The following DGKI variants were observed in gnomAD, a reference collection of about 807,000 sequenced individuals.
DGKI encodes the protein DAG kinase iota.
In DGKI, 55 loss-of-function variants were observed where a neutral mutation model predicts 147.5. The observed-to-expected ratio is 0.37, with a 90% CI of 0.30 to 0.47. The LOEUF is 0.47. Ranked by LOEUF, DGKI falls within the 20% of genes least tolerant of loss-of-function variation. DGKI has a pLI of 1.00. For missense variants in DGKI, 1,007 were observed against 1,323.8 expected (o/e 0.76, Z 3.71); for synonymous variants, 469 against 477.1 (o/e 0.98, Z 0.22).
intron 19 of DGKI, among the ~76,000 whole-genome samples, chr7:137,553,538 C>T (rs1359755708): frequency 6.8e-6 from 1 of 146,404 alleles, no homozygotes; most frequent in Non-Finnish European, 1.5e-5. Flanking sequence ...TTTGTATAAC[C>T]TCTTCTGACT....
intron 3 of DGKI, among the ~76,000 whole-genome samples, chr7:137,664,164 G>T (rs1198247442): frequency 1.3e-5 from 2 of 152,074 alleles, no homozygotes; most frequent in African/African-American, 4.8e-5. Flanking sequence ...ATTACATGAG[G>T]CTGGGAGTTC....
intron 1 of DGKI, among the ~76,000 whole-genome samples, chr7:137,840,294 G>T (rs747326424): frequency 3.3e-5 from 5 of 152,214 alleles, no homozygotes; most frequent in Non-Finnish European, 7.3e-5. Flanking sequence ...AAGTCAATCA[G>T]ATGAGCTGGA....
At chr7:137,569,141 G>C (rs1212782260) in intron 19 of DGKI, among the ~76,000 whole-genome samples, 1 of 152,106 alleles carries the variant, frequency 6.6e-6, no homozygotes, top group African/African-American at 2.4e-5. Context: ...GGGAAGGCTA[G>C]AGAACCAGAC....
intron 1 of DGKI, among the ~76,000 whole-genome samples, chr7:137,733,183 T>C (rs1169867355): frequency 5.3e-5 from 8 of 152,030 alleles, no homozygotes; most frequent in African/African-American, 1.9e-4. Context: ...CCACCAACCA[T>C]CTCCAGAACT....
intron 30 of DGKI, among the ~76,000 whole-genome samples, chr7:137,401,577 ATTTGAG>A (rs915463273): frequency 8.5e-5 from 13 of 152,102 alleles, no homozygotes; most frequent in African/African-American, 2.9e-4. Context: ...AATGGGTAAC[ATTTGAG>A]TTTGGGGCTT....
chr7:137,843,546 A>C lies in DGKI; in HGVS notation c.401+2916T>G, dbSNP rs182322206. 133 of 343,738 alleles carry C rather than the reference A, an allele frequency of 3.9e-4. 1 individual carries two copies. The highest frequency in any genetic ancestry group is 2.9e-3 in the African/African-American group (130 of 44,814). 21.3% of individuals were successfully genotyped at this position (343,738 alleles called of 1,614,324 possible). ...AATAGATAATGAGGGGAAATCTAGG[A>C]GTACAGAAAGCAGTTTATTTTACTT... On this transcript the variant is annotated intron_variant, in intron 1 of 32. Coordinates refer to ENST00000614521, the MANE Select transcript of DGKI (RefSeq NM_001321708.2).
intron 15 of DGKI, among the ~76,000 whole-genome samples, chr7:137,581,150 G>A (rs1292455665): frequency 6.6e-6 from 1 of 152,168 alleles, no homozygotes; most frequent in South Asian, 2.1e-4. Context: ...AAATGTTGAT[G>A]AAATATTTAA....
intron 26 of DGKI, among the ~76,000 whole-genome samples, chr7:137,464,181 C>T (rs6958453): frequency 0.026 from 3,747 of 145,754 alleles, 123 homozygotes; most frequent in East Asian, 0.12. Flanking sequence ...GGCATGAACC[C>T]GGGAGGCGGA....
intron 19 of DGKI, 146 bp from the exon 20 acceptor site, chr7:137,552,714 G>C (rs1289849788): frequency 1.3e-6 from 1 of 741,500 alleles, no homozygotes; most frequent in East Asian, 2.7e-5. Flanking sequence ...TTCCAGAGCA[G>C]CCTGGCCAAC....
intron 1 of DGKI, among the ~76,000 whole-genome samples, chr7:137,835,772 C>T (rs1325297659): frequency 6.6e-6 from 1 of 152,114 alleles, no homozygotes; most frequent in East Asian, 1.9e-4. Flanking sequence ...GAGATTAATT[C>T]AAGTAAGTAA....
At chr7:137,627,784 C>T (rs996630921) in intron 6 of DGKI, among the ~76,000 whole-genome samples, 5 of 152,184 alleles carry the variant, frequency 3.3e-5, no homozygotes, top group Admixed American at 3.3e-4. Context: ...TATCAGATGG[C>T]TGTGCATGAA....
chr7:137,624,659 C>A (rs1015215188), intron 6 of DGKI, among the ~76,000 whole-genome samples: 4 of 151,950 alleles, frequency 2.6e-5, no homozygotes, highest in Non-Finnish European at 5.9e-5. Flanking sequence ...GGCTGGAGTG[C>A]AGTGACCCAA....
intron 21 of DGKI, among the ~76,000 whole-genome samples, chr7:137,498,629 C>G (rs981053711): frequency 6.6e-6 from 1 of 152,066 alleles, no homozygotes; most frequent in Non-Finnish European, 1.5e-5. Flanking sequence ...GACAATGAAA[C>G]AAGACCTTCA....
At chr7:137,822,900 A>C (rs2117040607) in intron 1 of DGKI, among the ~76,000 whole-genome samples, 1 of 152,190 alleles carries the variant, frequency 6.6e-6, no homozygotes. Context: ...TGGCAAACAA[A>C]TGAGGAAATC....
At chr7:137,808,741 C>T (rs952100268) in intron 1 of DGKI, among the ~76,000 whole-genome samples, 8 of 151,874 alleles carry the variant, frequency 5.3e-5, no homozygotes, top group African/African-American at 1.9e-4. Context: ...TGGGAGAGAC[C>T]CGAGCAGAAA....
At chr7:137,527,904 A>C (rs956084291) in intron 20 of DGKI, among the ~76,000 whole-genome samples, 17 of 152,136 alleles carry the variant, frequency 1.1e-4, no homozygotes, top group South Asian at 6.2e-4. Flanking sequence ...TCGTTTTATA[A>C]ATAGAGTTTT....
chr7:137,824,902 T>G (rs916845910), intron 1 of DGKI, among the ~76,000 whole-genome samples: 1 of 152,244 alleles, frequency 6.6e-6, no homozygotes, highest in Non-Finnish European at 1.5e-5. Context: ...TCCCTTTTTA[T>G]GGCTGCATAG....
In DGKI at chr7:137,668,018, AC is replaced by A. The variant is rs543920795; in HGVS notation, c.606+10538del. 3.9e-5 allele frequency among the ~76,000 whole-genome samples: 6 copies of A among 152,330 alleles called. No individual in the cohort carries two copies. In the South Asian group the frequency reaches 1.2e-3, roughly 32 times the overall value. The stretch of plus-strand genomic sequence containing the variant: ...GCTAAGGGAACTGAGACCCTATGAG[AC>A]TGTGCAACTTGCCCAAGAAAGACTA... On this transcript the variant is annotated intron_variant, in intron 3 of 32. Coordinates refer to ENST00000614521, the MANE Select transcript of DGKI (RefSeq NM_001321708.2).
At chr7:137,782,889 A>G (rs1156884689) in intron 1 of DGKI, among the ~76,000 whole-genome samples, 1 of 152,162 alleles carries the variant, frequency 6.6e-6, no homozygotes, top group Non-Finnish European at 1.5e-5. Context: ...AACAATCACT[A>G]TAGTTCGGCT....
Sources: allele counts gnomAD v4.1 joint callset (sites outside exome capture counted in the v4.1 genomes callset), GRCh38; gene constraint gnomAD v4.1.1; transcripts MANE v1.5; gene names NCBI Gene and HGNC (gene_info 2026-07-23, HGNC 2026-07-21).